Variants in TBX18 observed in about 807,000 individuals in gnomAD.
TBX18 encodes the protein T-box transcription factor TBX18.
In TBX18, 21 loss-of-function variants were observed where a neutral mutation model predicts 55.0. That is an observed-to-expected ratio of 0.38 (90% CI 0.27 to 0.55). The LOEUF (loss-of-function observed/expected upper bound fraction) is 0.55, where lower values mean the gene tolerates loss of function less well. Ranked by LOEUF, TBX18 falls within the 20% of genes least tolerant of loss-of-function variation. The pLI is 0.73. For missense variants in TBX18, 840 were observed against 799.6 expected (o/e 1.05, Z -0.61); for synonymous variants, 342 against 326.1 (o/e 1.05, Z -0.53).
chr6:84,744,552 T>C (rs1430975876), intron 5 of TBX18, among the ~76,000 whole-genome samples: 1 of 152,166 alleles, frequency 6.6e-6, no homozygotes, highest in Non-Finnish European at 1.5e-5. Context: ...TCCTTTTCAA[T>C]CTGCATTAAT....
intron 5 of TBX18, among the ~76,000 whole-genome samples, chr6:84,746,254 G>T (rs1339048237): frequency 2.0e-5 from 3 of 151,924 alleles, no homozygotes; most frequent in Non-Finnish European, 4.4e-5. Flanking sequence ...GAGGAAGAGA[G>T]ACAGAAAGAG....
At chr6:84,763,510 G>T (rs1582090484) in intron 1 of TBX18, 3 of 493,936 alleles carry the variant, frequency 6.1e-6, no homozygotes, top group South Asian at 4.6e-5. Flanking sequence ...TTCAGGGTGG[G>T]GTATGCCGTC....
chr6:84,756,885 CAGGCG>C lies in TBX18; in HGVS notation c.600-21_600-17del. The C allele has an allele frequency of 6.2e-7, 1 of 1,612,860 alleles. No homozygotes were observed. ...GTAAACATACCTAGAAGGCAATGAC[CAGGCG>C]TTCAGTATACTGTTTTTATCTTGGC... On this transcript the variant is annotated splice_polypyrimidine_tract_variant and intron_variant, in intron 3 of 7. Coordinates refer to ENST00000369663, the MANE Select transcript of TBX18 (RefSeq NM_001080508.3).
Position 84,760,369 on chromosome 6 carries a change from G to C in TBX18, c.498-13C>G. The C allele has an allele frequency of 6.3e-7, 1 of 1,590,890 alleles. No homozygotes were observed. The highest frequency in any genetic ancestry group is 8.6e-7 in the Non-Finnish European group (1 of 1,166,212). On this transcript the variant is annotated splice_polypyrimidine_tract_variant and intron_variant, in intron 2 of 7. Transcript: ENST00000369663. ...TGGAAACATGCGCCTATTTAAAAAG[G>C]CGAAGAGAAAGAGGGTTTGGGGTTT...
intron 4 of TBX18, among the ~76,000 whole-genome samples, chr6:84,752,141 A>G (rs937854887): frequency 2.0e-5 from 3 of 152,148 alleles, no homozygotes; most frequent in Admixed American, 6.6e-5. Context: ...TTTGCAGTAC[A>G]GGCTAATACA....
rs1423361405 is a variant in TBX18, at chr6:84,762,670, C to T, written c.371G>A (p.Arg124His). 1 of 1,609,434 alleles carries T rather than the reference C, an allele frequency of 6.2e-7. No individual in the cohort carries two copies. Among genetic ancestry groups the T allele is most frequent in the Non-Finnish European group, 8.5e-7 (1 of 1,178,292 alleles). Reference sequence around the variant, plus strand: ...AGGGGTCCCGGGCCGGGCCAGGGAGCGCGCCGGAGACCCCTTGGGGGAGCC... The same window carrying T: ...AGGGGTCCCGGGCCGGGCCAGGGAGTGCGCCGGAGACCCCTTGGGGGAGCC... Reference protein sequence around the residue: ...PGGSPKGSPARSLARPGTPLP... With the variant: ...PGGSPKGSPAHSLARPGTPLP... The change falls in exon 2 of 8, where the codon CGC becomes CAC. Residue 124 changes from arginine (R) to histidine (H), a missense_variant. Physicochemically the swap from Arg to His is conservative, Grantham distance 29. Coordinates refer to ENST00000369663, the MANE Select transcript of TBX18 (RefSeq NM_001080508.3).
chr6:84,741,859 C>CT (rs927710574), intron 6 of TBX18: 3 of 152,028 alleles, frequency 2.0e-5, no homozygotes, highest in African/African-American at 7.2e-5. Flanking sequence ...ATAACTTGGT[C>CT]TTTTTTAAAG....
Position 84,748,003 on chromosome 6 carries a change from G to T in TBX18, c.856C>A (p.Pro286Thr). ...TTTACTCCCTCCCCGGATGGAACAGGCTTGATGGGAGAAAGATCGTCTCCA... is the reference window on the plus strand; with the variant it reads ...TTTACTCCCTCCCCGGATGGAACAGTCTTGATGGGAGAAAGATCGTCTCCA... The part of the protein sequence containing the change: ...DCGDDLSPIK[P>T]VPSGEGVKAF... Residue 286 changes from proline (P) to threonine (T), a missense_variant, in exon 5 of 8, where the codon CCT becomes ACT. Coordinates refer to ENST00000369663, the MANE Select transcript of TBX18 (RefSeq NM_001080508.3). 1 of 1,613,508 alleles carries T rather than the reference G, an allele frequency of 6.2e-7. No individual in the cohort carries two copies.
At position 84,736,004 on chromosome 6, in the gene TBX18, C is replaced by G. The variant is rs1410331641; in HGVS notation, c.*681G>C. 1 of 151,816 alleles carries G rather than the reference C, an allele frequency of 6.6e-6. No homozygotes were observed. Among genetic ancestry groups the G allele is most frequent in the Non-Finnish European group, 1.5e-5 (1 of 67,974 alleles). 9.4% of individuals were successfully genotyped at this position (151,816 alleles called of 1,614,324 possible). A position where few individuals can be genotyped will look rare whatever the true frequency, so the allele number is the denominator to read the frequency against. On this transcript the variant is annotated 3_prime_UTR_variant, in exon 8 of 8. Coordinates refer to ENST00000369663, the MANE Select transcript of TBX18 (RefSeq NM_001080508.3). ...CAGATGAATAAGAACCTCTTATGTG[C>G]CCAATGGAAAGTGTAAAAAAAAAAA...
intron 3 of TBX18, among the ~76,000 whole-genome samples, chr6:84,759,517 T>C (rs928155613): frequency 2.0e-5 from 3 of 151,852 alleles, no homozygotes; most frequent in African/African-American, 7.2e-5. Context: ...ATATAAAGCA[T>C]TGTCACTGAA....
Position 84,747,044 on chromosome 6 carries a change from A to G in TBX18, c.939+876T>C, listed in dbSNP as rs369762422. 6.6e-5 allele frequency among the ~76,000 whole-genome samples: 10 copies of G among 152,206 alleles called. No individual in the cohort carries two copies. In the South Asian group the frequency reaches 2.1e-3, roughly 32 times the overall value. ...CCTCTCAGCCCAAAGAACACATGGG[A>G]TAGGATCCAAATCTTCTAAGAAGCT... On this transcript the variant is annotated intron_variant, in intron 5 of 7. Transcript: ENST00000369663.
At chr6:84,749,412 C>A (rs1562261795) in intron 4 of TBX18, among the ~76,000 whole-genome samples, 1 of 151,994 alleles carries the variant, frequency 6.6e-6, no homozygotes, top group Non-Finnish European at 1.5e-5. Context: ...GATTGTCCTA[C>A]ATCTGGAAAG....
intron 2 of TBX18, 42 bp from the exon 3 acceptor site, chr6:84,760,398 T>C (rs761629416): frequency 1.4e-6 from 2 of 1,434,316 alleles, no homozygotes; most frequent in Non-Finnish European, 1.9e-6. Context: ...GGGGTTTTTG[T>C]TTGTGACTAA....
chr6:84,744,822 T>C (rs1382724267), intron 5 of TBX18, among the ~76,000 whole-genome samples: 1 of 152,162 alleles, frequency 6.6e-6, no homozygotes, highest in Non-Finnish European at 1.5e-5. Context: ...AATGTACACA[T>C]TCCTTTAATT....
intron 6 of TBX18, among the ~76,000 whole-genome samples, chr6:84,739,094 A>T (rs1562256535): frequency 1.3e-5 from 2 of 152,078 alleles, no homozygotes; most frequent in South Asian, 4.1e-4. Context: ...CCTCCAAAGA[A>T]GACTGACTTC....
rs1440431813 is a variant in TBX18, at chr6:84,736,144, AG to A, written c.*540del. On this transcript the variant is annotated 3_prime_UTR_variant, in exon 8 of 8. Transcript: ENST00000369663. ...GGTAAATAATAAGCAGGAATGAAAA[AG>A]CTGATCCTTCATGATTACAAATACC... 2.0e-5 allele frequency: 3 copies of A among 152,586 alleles called. No homozygotes were observed. Among genetic ancestry groups the A allele is most frequent in the African/African-American group, 7.2e-5 (3 of 41,432 alleles). The allele number at this position is 152,586 out of a possible 1,614,324, so 9.5% of individuals were successfully genotyped here.
rs1773846061 is a variant in TBX18, at chr6:84,733,042, G to T, written c.*3643C>A. The T allele has an allele frequency of 6.6e-6, 1 of 152,008 alleles. No homozygotes were observed. The highest frequency in any genetic ancestry group is 1.5e-5 in the Non-Finnish European group (1 of 67,978). The allele number at this position is 152,008 out of a possible 1,614,324, so 9.4% of individuals were successfully genotyped here. ...TTTTTTTACCCAAAATCATGATTGA[G>T]AAATCCATAGTCTCAAACTAAGTTC... On this transcript the variant is annotated 3_prime_UTR_variant, in exon 8 of 8. Transcript: ENST00000369663.
chr6:84,744,346 A>G (rs1299504073), intron 5 of TBX18, 21 bp from the exon 6 acceptor site: 2 of 1,601,632 alleles, frequency 1.2e-6, no homozygotes, highest in Non-Finnish European at 1.7e-6. Context: ...GGAAAAAAAA[A>G]TATCAAATCT....
intron 4 of TBX18, among the ~76,000 whole-genome samples, chr6:84,756,199 G>C (rs1440252142): frequency 6.6e-6 from 1 of 152,160 alleles, no homozygotes; most frequent in Non-Finnish European, 1.5e-5. Context: ...AGAATAAAAG[G>C]AATGATTGTT....
Sources: allele counts gnomAD v4.1 joint callset (sites outside exome capture counted in the v4.1 genomes callset), GRCh38; gene constraint gnomAD v4.1.1; transcripts MANE v1.5; gene names NCBI Gene and HGNC (gene_info 2026-07-23, HGNC 2026-07-21).